LIPK: variants seen among roughly 807,000 people sequenced by gnomAD.
LIPK encodes the protein lipase member K.
Under a neutral mutation model 48.6 loss-of-function variants are expected in LIPK, and 32 were observed. The ratio of observed to expected loss-of-function variants is 0.66; its 90% confidence interval spans 0.50 to 0.88. The LOEUF (loss-of-function observed/expected upper bound fraction) is 0.88, where lower values mean the gene tolerates loss of function less well. Among genes scored for constraint, LIPK ranks in the 40% least tolerant of loss-of-function variants. LIPK has a pLI of 0.00. For missense variants in LIPK, 507 were observed against 478.5 expected (o/e 1.06, Z -0.56); for synonymous variants, 164 against 157.4 (o/e 1.04, Z -0.32).
chr10:88,721,507 A>T (rs538664766), intron 1 of LIPK, among the ~76,000 whole-genome samples: 26 of 152,204 alleles, frequency 1.7e-4, no homozygotes, highest in Non-Finnish European at 2.9e-4. Flanking sequence ...AGATCCATAT[A>T]ACACAGGGGA....
intron 9 of LIPK, among the ~76,000 whole-genome samples, chr10:88,751,891 T>C (rs917792786): frequency 6.6e-6 from 1 of 152,164 alleles, no homozygotes; most frequent in African/African-American, 2.4e-5. Context: ...ATACAATCAC[T>C]GTGACCTGAA....
rs1352520020 is a variant in LIPK at position 88,752,660 on chromosome 10, AC to A, written c.1105del (p.His369ThrfsTer21). ...ANLIYYKLIP[H>X]YNHVDFYLGE... is the part of the protein sequence containing the mutation. ...ACCTTATTTATTACAAGCTGATTCC[AC>A]ACTACAATCATGTGGATTTTTACCT... is the stretch of plus-strand genomic sequence containing the variant. On this transcript the variant is annotated frameshift_variant, in exon 10 of 10. Coordinates refer to ENST00000404190, the MANE Select transcript of LIPK (RefSeq NM_001080518.2). LOFTEE classifies it high-confidence loss of function. 1 of 1,576,284 alleles carries A rather than the reference AC, an allele frequency of 6.3e-7. No homozygotes were observed. Among genetic ancestry groups the A allele is most frequent in the Non-Finnish European group, 8.6e-7 (1 of 1,158,834 alleles).
At chr10:88,736,116 G>A (rs1034144151) in intron 6 of LIPK, among the ~76,000 whole-genome samples, 3 of 151,890 alleles carry the variant, frequency 2.0e-5, no homozygotes, top group Admixed American at 6.6e-5. Flanking sequence ...CTGTCCAAGA[G>A]AGGAAGAGAG....
At chr10:88,725,704 C>T (rs1842323657) in intron 2 of LIPK, among the ~76,000 whole-genome samples, 1 of 152,178 alleles carries the variant, frequency 6.6e-6, no homozygotes, top group Admixed American at 6.5e-5. Context: ...TCAAAGGCCT[C>T]TTATAAGTTT....
chr10:88,733,906 T>C (rs1432995805), intron 6 of LIPK, among the ~76,000 whole-genome samples: 1 of 152,086 alleles, frequency 6.6e-6, no homozygotes, highest in African/African-American at 2.4e-5. Flanking sequence ...AACTAGGGTG[T>C]ATGTGAGAGT....
At chr10:88,736,379 C>T (rs1675126440) in intron 6 of LIPK, among the ~76,000 whole-genome samples, 1 of 152,140 alleles carries the variant, frequency 6.6e-6, no homozygotes, top group Admixed American at 6.6e-5. Flanking sequence ...AGATAATACC[C>T]TAGATAATTA....
At chr10:88,752,101 A>T (rs969229784) in intron 9 of LIPK, among the ~76,000 whole-genome samples, 1 of 152,178 alleles carries the variant, frequency 6.6e-6, no homozygotes, top group African/African-American at 2.4e-5. Context: ...CTCCCTGAAG[A>T]GTCTGCTGAT....
chr10:88,743,140 G>A (rs2134778009), intron 8 of LIPK, 110 bp from the exon 9 acceptor site: 2 of 599,492 alleles, frequency 3.3e-6, no homozygotes, highest in East Asian at 2.9e-5. Context: ...TTTAGCTTAT[G>A]TTTCTAAAGA....
At chr10:88,736,088 G>T (rs1054748822) in intron 6 of LIPK, among the ~76,000 whole-genome samples, 36 of 151,842 alleles carry the variant, frequency 2.4e-4, no homozygotes, top group African/African-American at 8.7e-4. Context: ...GAAGTACCAA[G>T]ATTTCATACT....
chr10:88,722,519 C>T (rs955282543), intron 1 of LIPK, among the ~76,000 whole-genome samples: 5 of 152,196 alleles, frequency 3.3e-5, no homozygotes, highest in Non-Finnish European at 5.9e-5. Flanking sequence ...CAAGCCCCCT[C>T]AATAGATTCT....
intron 2 of LIPK, among the ~76,000 whole-genome samples, chr10:88,725,266 C>G (rs1038303871): frequency 1.3e-5 from 2 of 152,306 alleles, no homozygotes; most frequent in East Asian, 3.9e-4. Flanking sequence ...AGTATCTCTT[C>G]TTGTTCCTCT....
intron 8 of LIPK, among the ~76,000 whole-genome samples, chr10:88,741,619 G>T (rs986584639): frequency 4.6e-5 from 7 of 152,180 alleles, no homozygotes; most frequent in African/African-American, 1.7e-4. Context: ...AAGTGGGGAT[G>T]GTGGGGGGCA....
rs531124733 is a variant in LIPK at position 88,717,731 on chromosome 10, T to C, written c.-11-6802T>C. Reference sequence around the variant, plus strand: ...TTGCCATAAAATTCCTGCTAATATCTCATCTGGAAATATATAGAAATATAT... The same window carrying C: ...TTGCCATAAAATTCCTGCTAATATCCCATCTGGAAATATATAGAAATATAT... On this transcript the variant is annotated intron_variant, in intron 1 of 9. Transcript: ENST00000404190. 7.9e-5 allele frequency among the ~76,000 whole-genome samples: 12 copies of C among 152,284 alleles called. No individual in the cohort carries two copies. The South Asian group carries it at 2.5e-3, about 32-fold the overall frequency.
At chr10:88,743,469 T>C (rs2134779248) in intron 9 of LIPK, 148 bp downstream of exon 9, 3 of 569,072 alleles carry the variant, frequency 5.3e-6, no homozygotes, top group Middle Eastern at 5.8e-4. Flanking sequence ...GTTCTTGCCA[T>C]ATGCCATATC....
chr10:88,751,353 A>G (rs1001046714), intron 9 of LIPK, among the ~76,000 whole-genome samples: 1 of 152,182 alleles, frequency 6.6e-6, no homozygotes, highest in African/African-American at 2.4e-5. Context: ...GGATGTAGAA[A>G]TTTGGGAAAA....
intron 1 of LIPK, among the ~76,000 whole-genome samples, chr10:88,716,364 T>G (rs1375174164): frequency 6.8e-6 from 1 of 147,628 alleles, no homozygotes; most frequent in Non-Finnish European, 1.5e-5. Context: ...TTCTTTTTTT[T>G]TTTTTTTTTT....
At chr10:88,740,130 T>C in intron 8 of LIPK, 63 bp downstream of exon 8, 1 of 1,295,592 alleles carries the variant, frequency 7.7e-7, no homozygotes, top group Non-Finnish European at 1.1e-6. Context: ...AGAAGTGCTC[T>C]CAGAGAGCTC....
intron 1 of LIPK, among the ~76,000 whole-genome samples, chr10:88,713,429 G>A (rs1207423434): frequency 2.6e-5 from 4 of 151,220 alleles, no homozygotes; most frequent in Admixed American, 2.6e-4. Context: ...TATTTCTGGC[G>A]ACTAGAAAAA....
intron 9 of LIPK, among the ~76,000 whole-genome samples, chr10:88,748,083 C>T (rs1842800393): frequency 6.6e-6 from 1 of 152,010 alleles, no homozygotes; most frequent in South Asian, 2.1e-4. Context: ...AGTCATAGTA[C>T]CATGCAGCCA....
Sources: allele counts gnomAD v4.1 joint callset (sites outside exome capture counted in the v4.1 genomes callset), GRCh38; gene constraint gnomAD v4.1.1; transcripts MANE v1.5; gene names NCBI Gene and HGNC (gene_info 2026-07-23, HGNC 2026-07-21).